Variants in UMODL1 observed in about 807,000 individuals in gnomAD.
UMODL1 encodes uromodulin-like 1.
In UMODL1, 128 loss-of-function variants were observed where a neutral mutation model predicts 136.3. The observed-to-expected ratio is 0.94, with a 90% CI of 0.81 to 1.09. The LOEUF is 1.09. Ranked by LOEUF, UMODL1 falls within the 50% of genes least tolerant of loss-of-function variation. UMODL1 has a pLI of 0.00. For missense variants in UMODL1, 1,766 were observed against 1,725.6 expected (o/e 1.02, Z -0.41); for synonymous variants, 721 against 720.0 (o/e 1.00, Z -0.02).
intron 20 of UMODL1, 61 bp from the exon 21 acceptor site, chr21:42,129,652 C>T (rs1425179758): frequency 2.1e-6 from 3 of 1,434,934 alleles, no homozygotes; most frequent in Non-Finnish European, 1.9e-6. Flanking sequence ...GATAGTAGCT[C>T]CTTTCTCATA....
At chr21:42,090,045 G>A (rs1204324110) in intron 5 of UMODL1, among the ~76,000 whole-genome samples, 1 of 152,196 alleles carries the variant, frequency 6.6e-6, no homozygotes, top group Non-Finnish European at 1.5e-5. Context: ...CTCACGTGAG[G>A]CTGCCCGGTG....
intron 7 of UMODL1, among the ~76,000 whole-genome samples, chr21:42,100,997 A>G (rs1166279305): frequency 6.8e-6 from 1 of 146,074 alleles, no homozygotes; most frequent in Non-Finnish European, 1.5e-5. Context: ...TTCCAATGTC[A>G]GGCACAGATA....
At chr21:42,116,618 T>A (rs1354134396) in intron 14 of UMODL1, among the ~76,000 whole-genome samples, 2 of 130,248 alleles carry the variant, frequency 1.5e-5, no homozygotes, top group Admixed American at 1.5e-4. Flanking sequence ...CCTCCACGGT[T>A]TTTTTTTTTT....
intron 2 of UMODL1, among the ~76,000 whole-genome samples, chr21:42,080,109 C>T (rs1019654931): frequency 4.6e-5 from 7 of 152,220 alleles, no homozygotes; most frequent in African/African-American, 9.6e-5. Context: ...ATTTACACCC[C>T]GGATTTTGGC....
rs1341106561 is a variant in UMODL1 at position 42,137,641 on chromosome 21, G to T, written c.*21G>T. On this transcript the variant is annotated splice_region_variant and 3_prime_UTR_variant, in exon 22 of 23. Coordinates refer to ENST00000408910, the MANE Select transcript of UMODL1 (RefSeq NM_001004416.3). Reference sequence around the variant, plus strand: ...AATAGGAGGCGCAGGCTGACAGGAAGGTGGGTGCGGAGTGGGGTGGGAGGT... The same window carrying T: ...AATAGGAGGCGCAGGCTGACAGGAATGTGGGTGCGGAGTGGGGTGGGAGGT... 2 of 671,024 alleles carry T rather than the reference G, an allele frequency of 3.0e-6. No individual in the cohort carries two copies. Among genetic ancestry groups the T allele is most frequent in the African/African-American group, 4.1e-5 (2 of 48,498 alleles). 41.6% of individuals were successfully genotyped at this position (671,024 alleles called of 1,614,324 possible). A position where few individuals can be genotyped will look rare whatever the true frequency, so the allele number is the denominator to read the frequency against.
chr21:42,076,018 C>G lies in UMODL1; in HGVS notation c.90C>G (p.Ser30=). 6.2e-7 allele frequency: 1 copy of G among 1,613,922 alleles called. No homozygotes were observed. The highest frequency in any genetic ancestry group is 8.5e-7 in the Non-Finnish European group (1 of 1,179,784). ...QASGFTEKGL[S]LLGYQLCSHR... Reference sequence around the variant, plus strand: ...GGCCTCTTTCAGAAAAAGGCCTCTCCCTGTTGGGCTACCAGCTATGCAGCC... The same window carrying G: ...GGCCTCTTTCAGAAAAAGGCCTCTCGCTGTTGGGCTACCAGCTATGCAGCC... The change falls in exon 2 of 23, where the codon TCC becomes TCG. Residue 30 remains serine (S), a synonymous_variant. Transcript: ENST00000408910.
chr21:42,134,904 G>A (rs572777373), intron 21 of UMODL1, among the ~76,000 whole-genome samples: 4 of 152,194 alleles, frequency 2.6e-5, no homozygotes, highest in East Asian at 3.9e-4. Context: ...GATTATAGGC[G>A]TGAGCCACCT....
rs771182647 is a variant in UMODL1, at chr21:42,076,001, T to TCAGAAAAAGGCCTCTCC, written c.77-2_91dup. On this transcript the variant is annotated splice_region_variant and splice_polypyrimidine_tract_variant and intron_variant, in intron 1 of 22. Transcript: ENST00000408910. ...CAGTCGCCTTCTTGCTTGGCCTCTT[T>TCAGAAAAAGGCCTCTCC]CAGAAAAAGGCCTCTCCCTGTTGGG... The TCAGAAAAAGGCCTCTCC allele has an allele frequency of 8.7e-6, 14 of 1,612,516 alleles. No homozygotes were observed.
rs746524018 is a variant in UMODL1, at chr21:42,076,060, T to C, written c.132T>C (p.Thr44=). 1 of 1,614,266 alleles carries C rather than the reference T, an allele frequency of 6.2e-7. No individual in the cohort carries two copies. Among genetic ancestry groups the C allele is most frequent in the African/African-American group, 1.3e-5 (1 of 75,070 alleles). The change falls in exon 2 of 23, where the codon ACT becomes ACC. Residue 44 remains threonine (T), a synonymous_variant. Transcript: ENST00000408910. ...YQLCSHRVTH[T]VQKVEAVQTS... The stretch of plus-strand genomic sequence containing the variant: ...TATGCAGCCACCGTGTGACCCACAC[T>C]GTACAGAAGGTGGAGGCCGTGCAGA...
chr21:42,088,646 G>A (rs778695161), intron 5 of UMODL1, among the ~76,000 whole-genome samples, 166 bp downstream of exon 5: 1 of 152,198 alleles, frequency 6.6e-6, no homozygotes, highest in Non-Finnish European at 1.5e-5. Flanking sequence ...CCACAGGTGT[G>A]GGACCCATCT....
chr21:42,083,408 G>A lies in UMODL1; in HGVS notation c.320-676G>A, dbSNP rs1198669115. Among the ~76,000 whole-genome samples the A allele has an allele frequency of 6.6e-5, 10 of 152,110 alleles. 1 individual carries two copies. Among genetic ancestry groups the A allele is most frequent in the Admixed American group, 6.5e-4 (10 of 15,272 alleles). On this transcript the variant is annotated intron_variant, in intron 2 of 22. Coordinates refer to ENST00000408910, the MANE Select transcript of UMODL1 (RefSeq NM_001004416.3). The stretch of plus-strand genomic sequence containing the variant: ...GACGCCCCCACCTGATCTCCCCAGG[G>A]ACCCATGCTGCACTCACCTGCACTG...
chr21:42,128,142 TA>T (rs2067087144), intron 20 of UMODL1: 1 of 492,736 alleles, frequency 2.0e-6, no homozygotes, highest in Admixed American at 2.6e-5. Flanking sequence ...CTAGTGCTTC[TA>T]AGGTGATTTA....
rs371304565 is a variant in UMODL1, at chr21:42,071,657, G to A, written c.76+265G>A. On this transcript the variant is annotated intron_variant, in intron 1 of 22. Transcript: ENST00000408910. ...CTGAATCACCTGGGCGTTCGTGGGGGTAAAATGCAGATTCTTAGCCAGCAG... is the reference window on the plus strand; with the variant it reads ...CTGAATCACCTGGGCGTTCGTGGGGATAAAATGCAGATTCTTAGCCAGCAG... 3.9e-5 allele frequency among the ~76,000 whole-genome samples: 6 copies of A among 152,052 alleles called. No homozygotes were observed. The East Asian group carries it at 1.2e-3, about 29-fold the overall frequency.
intron 15 of UMODL1, 62 bp from the exon 16 acceptor site, chr21:42,121,024 GC>G (rs2066963274): frequency 1.3e-6 from 2 of 1,562,322 alleles, no homozygotes; most frequent in African/African-American, 2.7e-5. Flanking sequence ...CCCCAACCAG[GC>G]TGCTGTGAGA....
chr21:42,119,934 TAACGC>T (rs1254316333), intron 15 of UMODL1, among the ~76,000 whole-genome samples: 1 of 152,166 alleles, frequency 6.6e-6, no homozygotes, highest in Non-Finnish European at 1.5e-5. Context: ...GGCACCATTT[TAACGC>T]AAAGTAAACA....
chr21:42,107,057 C>T (rs779093040), intron 9 of UMODL1, among the ~76,000 whole-genome samples: 1 of 152,188 alleles, frequency 6.6e-6, no homozygotes, highest in Non-Finnish European at 1.5e-5. Flanking sequence ...CCTGGGTTCC[C>T]ACTGGTCCTT....
rs956762423 is a variant in UMODL1, at chr21:42,091,994, G to A, written c.931+1556G>A. On this transcript the variant is annotated intron_variant, in intron 6 of 22. Coordinates refer to ENST00000408910, the MANE Select transcript of UMODL1 (RefSeq NM_001004416.3). The stretch of plus-strand genomic sequence containing the variant: ...AAGGCAGGAAAACAGCTGGAAGGGC[G>A]TGCGCAGCAAGGTCAGCAGGGAAGG... Among the ~76,000 whole-genome samples, 4 of 152,350 alleles carry A rather than the reference G, an allele frequency of 2.6e-5. 1 individual carries two copies. The highest frequency in any genetic ancestry group is 6.5e-5 in the Admixed American group (1 of 15,308).
At chr21:42,132,042 G>A (rs2067140805) in intron 21 of UMODL1, among the ~76,000 whole-genome samples, 1 of 152,134 alleles carries the variant, frequency 6.6e-6, no homozygotes, top group South Asian at 2.1e-4. Context: ...ACTTGGACTT[G>A]GGACACCTGA....
chr21:42,108,962 C>G (rs1312769623), intron 9 of UMODL1, among the ~76,000 whole-genome samples: 1 of 83,942 alleles, frequency 1.2e-5, no homozygotes, highest in African/African-American at 5.4e-5. Flanking sequence ...GACCCCCACT[C>G]CTGGCATGTA....
Sources: gnomAD v4.1 joint callset for allele counts (sites outside exome capture counted in the v4.1 genomes callset) on GRCh38, gnomAD v4.1.1 for gene constraint, MANE v1.5 for transcripts, NCBI Gene and HGNC (gene_info 2026-07-23, HGNC 2026-07-21) for gene names.